CCSER1: variants seen among roughly 807,000 people sequenced by gnomAD.
The protein encoded by CCSER1 is coiled-coil serine rich protein 1.
In CCSER1, 41 loss-of-function variants were observed where a neutral mutation model predicts 82.0. The ratio of observed to expected loss-of-function variants is 0.50; its 90% confidence interval spans 0.39 to 0.65. The LOEUF (loss-of-function observed/expected upper bound fraction) is 0.65. Among genes scored for constraint, CCSER1 ranks in the 30% least tolerant of loss-of-function variants. The pLI is 0.00. For synonymous variants in CCSER1, 414 were observed against 383.9 expected (o/e 1.08, Z -0.92); for missense variants, 1,119 against 1,064.2 (o/e 1.05, Z -0.72).
At chr4:91,294,033 T>G (rs997481932) in intron 10 of CCSER1, among the ~76,000 whole-genome samples, 1 of 151,832 alleles carries the variant, frequency 6.6e-6, no homozygotes, top group South Asian at 2.1e-4. Context: ...CATGTTGAGG[T>G]CGCTCATTTA....
intron 5 of CCSER1, among the ~76,000 whole-genome samples, chr4:90,545,141 C>A (rs1407325426): frequency 6.6e-6 from 1 of 152,054 alleles, no homozygotes; most frequent in Non-Finnish European, 1.5e-5. Context: ...TCTTTTCAAG[C>A]TGTATTTATT....
At chr4:91,523,001 G>A (rs1005569662) in intron 10 of CCSER1, among the ~76,000 whole-genome samples, 2 of 152,094 alleles carry the variant, frequency 1.3e-5, no homozygotes, top group Non-Finnish European at 2.9e-5. Context: ...TATGATATTG[G>A]CTGTGGGTTT....
At chr4:90,687,158 G>GTCTA (rs1734958468) in intron 6 of CCSER1, among the ~76,000 whole-genome samples, 2 of 152,070 alleles carry the variant, frequency 1.3e-5, no homozygotes, top group African/African-American at 4.8e-5. Flanking sequence ...ATTTTTCACA[G>GTCTA]AAGCACTTCA....
At chr4:90,923,338 C>A in intron 8 of CCSER1, 32 bp from the exon 9 acceptor site, 1 of 1,485,086 alleles carries the variant, frequency 6.7e-7, no homozygotes, top group Non-Finnish European at 9.2e-7. Flanking sequence ...ACCTCACCAA[C>A]AATGTGTTGT....
At chr4:90,835,124 G>A (rs1346382339) in intron 8 of CCSER1, among the ~76,000 whole-genome samples, 1 of 152,108 alleles carries the variant, frequency 6.6e-6, no homozygotes, top group African/African-American at 2.4e-5. Context: ...GAGGTCAGCA[G>A]ATTAAGACCA....
intron 10 of CCSER1, among the ~76,000 whole-genome samples, chr4:91,510,258 T>C (rs751461085): frequency 1.3e-5 from 2 of 152,222 alleles, no homozygotes; most frequent in East Asian, 1.9e-4. Flanking sequence ...CCACTGCCGA[T>C]GGGCCCTTAG....
chr4:91,267,209 T>A (rs1481862504), intron 10 of CCSER1, among the ~76,000 whole-genome samples: 6 of 152,074 alleles, frequency 3.9e-5, no homozygotes, highest in Non-Finnish European at 7.3e-5. Context: ...TTTTGGGGAA[T>A]TATTGATGGA....
At chr4:90,628,654 G>A (rs1373059501) in intron 6 of CCSER1, among the ~76,000 whole-genome samples, 2 of 152,200 alleles carry the variant, frequency 1.3e-5, no homozygotes, top group Non-Finnish European at 1.5e-5. Flanking sequence ...CCAATAATCA[G>A]AATTCAGTAA....
intron 9 of CCSER1, among the ~76,000 whole-genome samples, chr4:91,008,727 T>TA (rs758642959): frequency 2.6e-4 from 40 of 152,232 alleles, no homozygotes; most frequent in Non-Finnish European, 4.8e-4. Flanking sequence ...TGTAAAGAGT[T>TA]ACTACTGATG....
chr4:91,412,502 T>C (rs878934019), intron 10 of CCSER1, among the ~76,000 whole-genome samples: 1 of 148,302 alleles, frequency 6.7e-6, no homozygotes, highest in Non-Finnish European at 1.5e-5. Context: ...TGAAAGCAGG[T>C]ATTCATCCTG....
chr4:90,652,668 C>T (rs145782677), intron 6 of CCSER1, among the ~76,000 whole-genome samples: 2 of 152,148 alleles, frequency 1.3e-5, no homozygotes, highest in East Asian at 1.9e-4. Context: ...CTCAGTGGAC[C>T]TTTTTATGAG....
intron 9 of CCSER1, among the ~76,000 whole-genome samples, chr4:91,044,296 G>A (rs7679155): frequency 0.37 from 56,264 of 152,032 alleles, 11,670 homozygotes; most frequent in East Asian, 0.64. Context: ...ATAGGTGAAA[G>A]CATTTGAAAT....
At chr4:90,782,134 C>T (rs995817046) in intron 7 of CCSER1, 20 of 247,592 alleles carry the variant, frequency 8.1e-5, no homozygotes, top group Non-Finnish European at 1.2e-4. Context: ...TTGCATATTT[C>T]CTGGTCGGCC....
intron 1 of CCSER1, among the ~76,000 whole-genome samples, chr4:90,199,888 A>G (rs28520612): frequency 0.016 from 2,413 of 152,246 alleles, 35 homozygotes; most frequent in African/African-American, 0.041. Context: ...CAGAAAAGCA[A>G]TCCTAGATTC....
At chr4:90,341,224 C>T (rs1196124076) in intron 3 of CCSER1, among the ~76,000 whole-genome samples, 1 of 152,066 alleles carries the variant, frequency 6.6e-6, no homozygotes, top group Non-Finnish European at 1.5e-5. Context: ...TTTACTGCTG[C>T]ATCATGCAGT....
intron 6 of CCSER1, among the ~76,000 whole-genome samples, chr4:90,692,437 T>C (rs1736176204): frequency 6.6e-6 from 1 of 151,862 alleles, no homozygotes; most frequent in Admixed American, 6.6e-5. Flanking sequence ...TTAGAAAAAT[T>C]ATACATGGGC....
chr4:90,928,839 C>T (rs1729380083), intron 9 of CCSER1, among the ~76,000 whole-genome samples: 1 of 152,038 alleles, frequency 6.6e-6, no homozygotes, highest in Non-Finnish European at 1.5e-5. Flanking sequence ...GCTTCATTTA[C>T]ACATCATGTA....
At chr4:90,863,265 T>A (rs1437329521) in intron 8 of CCSER1, among the ~76,000 whole-genome samples, 1 of 151,930 alleles carries the variant, frequency 6.6e-6, no homozygotes, top group East Asian at 1.9e-4. Flanking sequence ...GATTACCTGA[T>A]GTAACATTTT....
chr4:91,274,146 G>C (rs1256312686), intron 10 of CCSER1, among the ~76,000 whole-genome samples: 1 of 151,870 alleles, frequency 6.6e-6, no homozygotes. Context: ...AATAAATTTG[G>C]CTATTTTGTC....
Sources: gnomAD v4.1 joint callset for allele counts (sites outside exome capture counted in the v4.1 genomes callset) on GRCh38, gnomAD v4.1.1 for gene constraint, MANE v1.5 for transcripts, NCBI Gene and HGNC (gene_info 2026-07-23, HGNC 2026-07-21) for gene names.